Variants in ECI2 observed in about 807,000 individuals in gnomAD.
ECI2 encodes enoyl-CoA delta isomerase 2, also known as D3,D2-enoyl-CoA isomerase.
A neutral mutation model predicts 38.4 loss-of-function variants in ECI2; 27 were observed. The ratio of observed to expected loss-of-function variants is 0.70; its 90% CI spans 0.52 to 0.97. The LOEUF (loss-of-function observed/expected upper bound fraction) is 0.97, where lower values mean the gene tolerates loss of function less well. ECI2 is among the 50% of genes least tolerant of loss of function. The probability of loss-of-function intolerance (pLI) is 0.00; values close to 1 mark genes in which losing one functional copy is unlikely to be tolerated. For missense variants in ECI2, 470 were observed against 474.4 expected, an observed-to-expected ratio of 0.99 and a Z score of 0.09; for synonymous variants, 168 against 172.0, an observed-to-expected ratio of 0.98 and a Z score of 0.18.
intron 4 of ECI2, among the ~76,000 whole-genome samples, chr6:4,128,263 C>G (rs547984044): frequency 6.6e-6 from 1 of 151,860 alleles, no homozygotes; most frequent in South Asian, 2.1e-4. Flanking sequence ...TCAGAGAAAA[C>G]TTTCTACAAA....
Position 4,133,621 on chromosome 6 carries a change from C to A in ECI2, c.141G>T (p.Met47Ile), listed in dbSNP as rs3177253. 4 of 1,613,670 alleles carry A rather than the reference C, an allele frequency of 2.5e-6. No homozygotes were observed. In the Admixed American group the frequency reaches 6.7e-5, roughly 27 times the overall value. Residue 47 changes from methionine (M) to isoleucine (I), a missense_variant, in exon 2 of 10, where the codon ATG becomes ATT. Coordinates refer to ENST00000380118, the MANE Select transcript of ECI2 (RefSeq NM_206836.3). Reference sequence around the variant, plus strand: ...CCTTTTTCAAGAGTTTCACTTGATTCATTGAATTTTCAAAGTCCTTCTGAC... The same window carrying A: ...CCTTTTTCAAGAGTTTCACTTGATTAATTGAATTTTCAAAGTCCTTCTGAC... Reference protein sequence around the residue: ...RASQKDFENSMNQVKLLKKDP... With the variant: ...RASQKDFENSINQVKLLKKDP...
rs188195080 is a variant in ECI2 at position 4,131,834 on chromosome 6, G to A, written c.214-969C>T. Among the ~76,000 whole-genome samples the A allele has an allele frequency of 4.6e-5, 7 of 152,018 alleles. No individual in the cohort carries two copies. In the East Asian group the frequency reaches 5.8e-4, roughly 13 times the overall value. On this transcript the variant is annotated intron_variant, in intron 2 of 9. Transcript: ENST00000380118. Reference sequence around the variant, plus strand: ...ATGGTGCCGCTGCACTCTACCCTGCGTGACAGAGCAAAACTCTGTCTCAAA... The same window carrying A: ...ATGGTGCCGCTGCACTCTACCCTGCATGACAGAGCAAAACTCTGTCTCAAA...
At chr6:4,117,020 A>C (rs540675628) in intron 9 of ECI2, among the ~76,000 whole-genome samples, 1 of 152,346 alleles carries the variant, frequency 6.6e-6, no homozygotes, top group Admixed American at 6.5e-5. Context: ...TGGATTCCAA[A>C]GTAAAAGTGC....
chr6:4,128,187 T>C (rs906439927), intron 4 of ECI2, among the ~76,000 whole-genome samples: 20 of 151,730 alleles, frequency 1.3e-4, no homozygotes, highest in Middle Eastern at 3.4e-3. Context: ...GGTTGGAAAG[T>C]ACAAAGTAGC....
At chr6:4,129,730 C>T (rs1002078983) in intron 4 of ECI2, among the ~76,000 whole-genome samples, 18 of 152,088 alleles carry the variant, frequency 1.2e-4, no homozygotes, top group African/African-American at 4.3e-4. Context: ...CTCTTTCTGC[C>T]ACAATGGAGG....
At position 4,115,878 on chromosome 6, in the gene ECI2, A is replaced by G; in HGVS notation, c.1181T>C (p.Leu394Pro). Residue 394 changes from leucine (L) to proline (P), a missense_variant, in exon 10 of 10, where the codon CTG becomes CCG. By Grantham distance (98) the Leu-to-Pro change is moderately conservative (BLOSUM62 -3). Coordinates refer to ENST00000380118, the MANE Select transcript of ECI2 (RefSeq NM_206836.3). ...TTTACTCTGCTGTAGTGGTCATCAC[A>G]GTTTTGATTTTCTGGATAAGAAGTT... is the stretch of plus-strand genomic sequence containing the variant. ...VVNFLSRKSK[L>P] 1 of 1,611,676 alleles carries G rather than the reference A, an allele frequency of 6.2e-7. No individual in the cohort carries two copies. The highest frequency in any genetic ancestry group is 8.5e-7 in the Non-Finnish European group (1 of 1,178,902).
rs756584624 is a variant in ECI2, at chr6:4,125,384, A to C, written c.675-14T>G. 1 of 1,613,904 alleles carries C rather than the reference A, an allele frequency of 6.2e-7. No individual in the cohort carries two copies. Among genetic ancestry groups the C allele is most frequent in the Non-Finnish European group, 8.5e-7 (1 of 1,180,006 alleles). On this transcript the variant is annotated splice_polypyrimidine_tract_variant and intron_variant, in intron 6 of 9. Coordinates refer to ENST00000380118, the MANE Select transcript of ECI2 (RefSeq NM_206836.3). ...CCCACAAATTCCCTACAGAAATGGA[A>C]ACACAAAATCATTAAATGTGCCAAA...
intron 7 of ECI2, among the ~76,000 whole-genome samples, chr6:4,120,448 C>T (rs1026190922): frequency 2.0e-5 from 3 of 151,992 alleles, no homozygotes; most frequent in East Asian, 1.9e-4. Context: ...AAAGGTAGGC[C>T]GGGTGTGGTG....
At chr6:4,130,014 C>A in intron 4 of ECI2, 1 of 1,114,210 alleles carries the variant, frequency 9.0e-7, no homozygotes, top group Non-Finnish European at 1.3e-6. Flanking sequence ...GAAAGACTTA[C>A]TTTCATGTCT....
chr6:4,116,293 G>A (rs1222706805), intron 9 of ECI2, among the ~76,000 whole-genome samples: 2 of 151,898 alleles, frequency 1.3e-5, no homozygotes, highest in Non-Finnish European at 2.9e-5. Context: ...GGAGGTTGCA[G>A]TGAGCTGAGA....
chr6:4,119,319 AT>A (rs34320283), intron 7 of ECI2, 44 bp from the exon 8 acceptor site: 256,856 of 1,143,754 alleles, frequency 0.22, 5,683 homozygotes, highest in African/African-American at 0.44. Context: ...TTCATGTGTG[AT>A]TTTTTTTTTT....
intron 7 of ECI2, among the ~76,000 whole-genome samples, chr6:4,124,080 A>G (rs1455608109): frequency 6.6e-6 from 1 of 152,212 alleles, no homozygotes; most frequent in Non-Finnish European, 1.5e-5. Context: ...GAGATCCCCA[A>G]TTTTAGGTCA....
At chr6:4,131,241 C>T (rs1773493685) in intron 2 of ECI2, among the ~76,000 whole-genome samples, 1 of 152,024 alleles carries the variant, frequency 6.6e-6, no homozygotes, top group Non-Finnish European at 1.5e-5. Flanking sequence ...TGAAAACCCA[C>T]AGCATATTCC....
chr6:4,116,597 A>G (rs1772294218), intron 9 of ECI2, among the ~76,000 whole-genome samples: 1 of 151,666 alleles, frequency 6.6e-6, no homozygotes, highest in South Asian at 2.1e-4. Context: ...GCCCACCACC[A>G]CGCCTGGCTA....
At chr6:4,128,035 A>G (rs977411898) in intron 4 of ECI2, among the ~76,000 whole-genome samples, 2 of 152,190 alleles carry the variant, frequency 1.3e-5, no homozygotes, top group Non-Finnish European at 2.9e-5. Context: ...CATATTATGT[A>G]CCTGGTGCTA....
At chr6:4,124,972 C>G in intron 7 of ECI2, 1 of 539,876 alleles carries the variant, frequency 1.9e-6, no homozygotes, top group Non-Finnish European at 3.5e-6. Context: ...TCTCCTGAAT[C>G]TTTCAGAATA....
intron 1 of ECI2, among the ~76,000 whole-genome samples, chr6:4,134,136 G>A (rs182686381): frequency 1.9e-3 from 293 of 152,368 alleles, no homozygotes; most frequent in Middle Eastern, 3.4e-3. Context: ...TAAGCCATAA[G>A]CTATATCAGG....
rs1772227544 is a variant in ECI2 at position 4,115,898 on chromosome 6, G to C, written c.1161C>G (p.Phe387Leu). ...SDECTNAVVN[F>L]LSRKSKL ...ATCACAGTTTTGATTTTCTGGATAA[G>C]AAGTTCACCACAGCATTTGTGCATT... The change falls in exon 10 of 10, where the codon TTC (phenylalanine) becomes TTG (leucine). Residue 387 changes from phenylalanine (F) to leucine (L), a missense_variant. Transcript: ENST00000380118. 1 of 1,613,650 alleles carries C rather than the reference G, an allele frequency of 6.2e-7. No homozygotes were observed. The highest frequency in any genetic ancestry group is 1.3e-5 in the African/African-American group (1 of 75,016).
rs201392950 is a variant in ECI2, at chr6:4,117,360, A to G, written c.977T>C (p.Phe326Ser). The change falls in exon 9 of 10, where the codon TTT becomes TCT. Residue 326 changes from phenylalanine (F) to serine (S), a missense_variant. By Grantham distance (155) the Phe-to-Ser change is radical. Transcript: ENST00000380118. ...CAGCCTGGTCCAGACTTCTTTCTGA[A>G]AAGTGCTATCAGGGAAAACTTCAGT... ...LVTEVFPDST[F>S]QKEVWTRLKA... The G allele has an allele frequency of 3.0e-5, 48 of 1,613,924 alleles. No individual in the cohort carries two copies. The highest frequency in any genetic ancestry group is 2.9e-4 in the East Asian group (13 of 44,872).
Sources: allele counts gnomAD v4.1 joint callset (sites outside exome capture counted in the v4.1 genomes callset), GRCh38; gene constraint gnomAD v4.1.1; transcripts MANE v1.5; gene names NCBI Gene and HGNC (gene_info 2026-07-23, HGNC 2026-07-21).